Variants in CLEC2A observed in about 807,000 individuals in gnomAD.
The protein encoded by CLEC2A is C-type lectin domain family 2 member A, also known as keratinocyte-associated C-type lectin.
A neutral mutation model predicts 18.6 loss-of-function variants in CLEC2A; 19 were observed. That is an observed-to-expected ratio of 1.02 (90% CI 0.71 to 1.50). The LOEUF (loss-of-function observed/expected upper bound fraction) is 1.50. Among genes scored for constraint, CLEC2A ranks in the 40% most tolerant of loss-of-function variants. The pLI is 0.00. For synonymous variants in CLEC2A, 74 were observed against 64.0 expected (o/e 1.16, Z -0.75); for missense variants, 190 against 207.9 (o/e 0.91, Z 0.53).
chr12:9,879,968 A>G, the CLEC2A span, among the ~76,000 whole-genome samples: 75 of 152,280 alleles, frequency 4.9e-4, no homozygotes, highest in African/African-American at 1.8e-3. Context: ...CCTCAACCAT[A>G]CCTATGACCC....
At chr12:9,879,869 C>A in the CLEC2A span, among the ~76,000 whole-genome samples, 1 of 152,164 alleles carries the variant, frequency 6.6e-6, no homozygotes, top group Non-Finnish European at 1.5e-5. Flanking sequence ...GGAGGCAAGG[C>A]CTGAACAGTT....
chr12:9,922,277 A>C, intron 2 of CLEC2A, 45 bp from the exon 3 acceptor site: 1 of 1,455,866 alleles, frequency 6.9e-7, no homozygotes, highest in Non-Finnish European at 9.1e-7. Flanking sequence ...ATATGTTAAA[A>C]AGTGTTTCTA....
the CLEC2A span, chr12:9,892,926 A>T: frequency 8.8e-7 from 1 of 1,140,356 alleles, no homozygotes; most frequent in Non-Finnish European, 1.2e-6. Context: ...ATGAGTTGGA[A>T]AAATCTATTT....
At position 9,913,478 on chromosome 12, in the gene CLEC2A, T is replaced by A; in HGVS notation, c.*88A>T. The A allele has an allele frequency of 2.0e-6, 3 of 1,472,332 alleles. No individual in the cohort carries two copies. The highest frequency in any genetic ancestry group is 2.7e-6 in the Non-Finnish European group (3 of 1,119,858). 91.2% of individuals were successfully genotyped at this position (1,472,332 alleles called of 1,614,324 possible). On this transcript the variant is annotated 3_prime_UTR_variant, in exon 5 of 5. Transcript: ENST00000455827. ...CCCTCACCAGAGGTTCCGTATTCTG[T>A]AACAGAATAAGTGAGAAAGCCACTT... is the stretch of plus-strand genomic sequence containing the variant.
chr12:9,909,128 C>T (rs1470348512), downstream of CLEC2A, among the ~76,000 whole-genome samples: 1 of 152,066 alleles, frequency 6.6e-6, no homozygotes, highest in African/African-American at 2.4e-5. Context: ...TAAATCTAGG[C>T]CTGCTTATTT....
At position 9,921,930 on chromosome 12, in the gene CLEC2A, A is replaced by C. The variant is rs530402751; in HGVS notation, c.306+136T>G. The C allele has an allele frequency of 1.2e-5, 8 of 670,412 alleles. No homozygotes were observed. The South Asian group carries it at 2.4e-4, about 20-fold the overall frequency. 41.5% of individuals were successfully genotyped at this position (670,412 alleles called of 1,614,324 possible). A position where few individuals can be genotyped will look rare whatever the true frequency, so the allele number is the denominator to read the frequency against. Reference sequence around the variant, plus strand: ...AAGGGTGGCAGAGGAAAAATAATCCAGGTATAAGTGAACCCACACAGTTCA... The same window carrying C: ...AAGGGTGGCAGAGGAAAAATAATCCCGGTATAAGTGAACCCACACAGTTCA... On this transcript the variant is annotated intron_variant, in intron 3 of 4. Transcript: ENST00000455827.
At position 9,913,406 on chromosome 12, in the gene CLEC2A, A is replaced by G. The variant is rs1164742846; in HGVS notation, c.*160T>C. ...AGAGAACGGCCTTGTCTCTTTAACC[A>G]TGGCAGGGCACAGCAAGAAGTTTCC... On this transcript the variant is annotated 3_prime_UTR_variant, in exon 5 of 5. Coordinates refer to ENST00000455827, the MANE Select transcript of CLEC2A (RefSeq NM_001130711.2). 3 of 1,293,516 alleles carry G rather than the reference A, an allele frequency of 2.3e-6. No homozygotes were observed. Among genetic ancestry groups the G allele is most frequent in the African/African-American group, 3.0e-5 (2 of 66,316 alleles). 80.1% of individuals were successfully genotyped at this position (1,293,516 alleles called of 1,614,324 possible). A position where few individuals can be genotyped will look rare whatever the true frequency, so the allele number is the denominator to read the frequency against.
At chr12:9,924,438 AAACCC>A (rs372655564) in intron 2 of CLEC2A, among the ~76,000 whole-genome samples, 1,646 of 152,006 alleles carry the variant, frequency 0.011, 36 homozygotes, top group African/African-American at 0.037. Flanking sequence ...AGAATGACCG[AAACCC>A]AACCCAACCC....
exon 5 of CLEC2A, chr12:9,898,806 C>A (rs1862786470): frequency 1.5e-5 from 9 of 607,758 alleles, no homozygotes; most frequent in South Asian, 1.3e-4. Flanking sequence ...CATCTAACTG[C>A]CGTTATATTA....
chr12:9,904,253 G>A (rs1374372648), intron 4 of CLEC2A, among the ~76,000 whole-genome samples: 1 of 152,214 alleles, frequency 6.6e-6, no homozygotes, highest in Non-Finnish European at 1.5e-5. Context: ...CAGAGAGAGA[G>A]CTCCGCATGA....
At chr12:9,892,864 G>A in the CLEC2A span, among the ~76,000 whole-genome samples, 1 of 150,160 alleles carries the variant, frequency 6.7e-6, no homozygotes, top group Non-Finnish European at 1.5e-5. Flanking sequence ...GATTACAGGC[G>A]TGAGCCACCG....
intron 3 of CLEC2A, 57 bp downstream of exon 3, chr12:9,922,009 A>G: frequency 7.4e-7 from 1 of 1,355,574 alleles, no homozygotes; most frequent in South Asian, 1.5e-5. Flanking sequence ...TTATTGTTTT[A>G]TTATGTTTTT....
intron 1 of CLEC2A, among the ~76,000 whole-genome samples, chr12:9,929,018 G>C (rs1863327259): frequency 6.6e-6 from 1 of 151,836 alleles, no homozygotes; most frequent in South Asian, 2.1e-4. Flanking sequence ...CATCCCTACT[G>C]TTCTCACAGT....
intron 1 of CLEC2A, among the ~76,000 whole-genome samples, chr12:9,931,926 A>G (rs1234424449): frequency 6.6e-6 from 1 of 152,218 alleles, no homozygotes; most frequent in African/African-American, 2.4e-5. Flanking sequence ...TGAAGTCACA[A>G]TCATCAAGCC....
At chr12:9,922,711 C>T (rs1389953961) in intron 2 of CLEC2A, among the ~76,000 whole-genome samples, 1 of 152,176 alleles carries the variant, frequency 6.6e-6, no homozygotes, top group African/African-American at 2.4e-5. Flanking sequence ...ATTTCATTTA[C>T]ATCCAGTGCT....
chr12:9,906,329 A>G (rs112585888), intron 4 of CLEC2A, among the ~76,000 whole-genome samples: 227 of 152,270 alleles, frequency 1.5e-3, no homozygotes, highest in African/African-American at 5.3e-3. Flanking sequence ...AAAAACAAGC[A>G]CTTCAGAGGA....
chr12:9,915,801 T>C (rs1475524428), intron 4 of CLEC2A, among the ~76,000 whole-genome samples: 1 of 152,212 alleles, frequency 6.6e-6, no homozygotes, highest in Non-Finnish European at 1.5e-5. Flanking sequence ...CAATCCACCA[T>C]GGCACACACA....
At chr12:9,927,566 C>T (rs995477365) in intron 1 of CLEC2A, among the ~76,000 whole-genome samples, 2 of 152,062 alleles carry the variant, frequency 1.3e-5, no homozygotes, top group South Asian at 4.2e-4. Context: ...GAAAAGAGGA[C>T]TTGAAGAAAG....
At chr12:9,906,656 C>G (rs1184881582) in intron 4 of CLEC2A, among the ~76,000 whole-genome samples, 1 of 152,142 alleles carries the variant, frequency 6.6e-6, no homozygotes, top group East Asian at 1.9e-4. Context: ...TTGGGCAGAC[C>G]AATTATTAGC....
Sources: allele counts gnomAD v4.1 joint callset (sites outside exome capture counted in the v4.1 genomes callset), GRCh38; gene constraint gnomAD v4.1.1; transcripts MANE v1.5; gene names NCBI Gene and HGNC (gene_info 2026-07-23, HGNC 2026-07-21).